The following PAFAH1B1 variants were observed in gnomAD, a reference collection of about 807,000 sequenced individuals.
PAFAH1B1 encodes platelet-activating factor acetylhydrolase IB subunit beta.
Under a neutral mutation model 57.5 loss-of-function variants are expected in PAFAH1B1, and 2 were observed. That is an observed-to-expected ratio of 0.03 (90% confidence interval 0.01 to 0.11). The LOEUF is 0.11. PAFAH1B1 is among the 10% of genes least tolerant of loss of function. The pLI, the probability that PAFAH1B1 is intolerant of heterozygous loss-of-function variation, is 1.00. For missense variants in PAFAH1B1, 257 were observed against 512.0 expected (o/e 0.50, Z 4.81); for synonymous variants, 152 against 169.6 (o/e 0.90, Z 0.81).
At chr17:2,647,594 A>G (rs1371739250) in intron 2 of PAFAH1B1, among the ~76,000 whole-genome samples, 2 of 152,200 alleles carry the variant, frequency 1.3e-5, no homozygotes, top group Admixed American at 1.3e-4. Context: ...GATTAAACAT[A>G]CTAAATAATA....
intron 1 of PAFAH1B1, among the ~76,000 whole-genome samples, chr17:2,603,044 T>G (rs560677555): frequency 6.6e-5 from 10 of 152,340 alleles, no homozygotes; most frequent in Admixed American, 3.3e-4. Context: ...CTCTAATATA[T>G]ATATGCTTTC....
At chr17:2,600,183 TGATCCACCC>T (rs1294567713) in intron 1 of PAFAH1B1, among the ~76,000 whole-genome samples, 9 of 151,930 alleles carry the variant, frequency 5.9e-5, no homozygotes, top group Non-Finnish European at 1.5e-5. Context: ...TGGCCTCAAG[TGATCCACCC>T]GAGTTGGCCT....
At chr17:2,631,683 A>G (rs1298719208) in intron 1 of PAFAH1B1, among the ~76,000 whole-genome samples, 2 of 152,246 alleles carry the variant, frequency 1.3e-5, no homozygotes, top group African/African-American at 4.8e-5. Flanking sequence ...TGGGACACTC[A>G]CAGTATTTGG....
chr17:2,664,665 G>GCTCGCTCTCTCTCTCTCT lies in PAFAH1B1; in HGVS notation c.33-704_33-703insGCTCTCTCTCTCTCTCTC, dbSNP rs1555526142. Among the ~76,000 whole-genome samples, 131 of 86,072 alleles carry GCTCGCTCTCTCTCTCTCT rather than the reference G, an allele frequency of 1.5e-3. 3 individuals carry two copies. The highest frequency in any genetic ancestry group is 6.8e-3 in the Middle Eastern group (1 of 148). The allele number at this position is 86,072 out of a possible 152,430, so 56.5% of individuals were successfully genotyped here. On this transcript the variant is annotated intron_variant, in intron 2 of 10. Coordinates refer to ENST00000397195, the MANE Select transcript of PAFAH1B1 (RefSeq NM_000430.4). ...TGATATATATCTATATCTATCTATC[G>GCTCGCTCTCTCTCTCTCT]CTCTCTCTCTCTCTCTCTCTCTCTC...
chr17:2,652,345 G>A (rs2068870583), intron 2 of PAFAH1B1, among the ~76,000 whole-genome samples: 1 of 152,202 alleles, frequency 6.6e-6, no homozygotes, highest in Admixed American at 6.5e-5. Flanking sequence ...AACCCGGGAG[G>A]CGGAGCTTGC....
chr17:2,617,668 A>T (rs1185897624), intron 1 of PAFAH1B1, among the ~76,000 whole-genome samples: 1 of 152,216 alleles, frequency 6.6e-6, no homozygotes, highest in Non-Finnish European at 1.5e-5. Context: ...CTGTAATCCC[A>T]GCACTTTGGG....
chr17:2,616,025 G>A (rs548309328), intron 1 of PAFAH1B1, among the ~76,000 whole-genome samples: 6 of 152,278 alleles, frequency 3.9e-5, no homozygotes, highest in Admixed American at 1.3e-4. Flanking sequence ...AGAAAGCAAC[G>A]ACGAAACAAG....
At chr17:2,628,579 G>T (rs1358227009) in intron 1 of PAFAH1B1, among the ~76,000 whole-genome samples, 2 of 151,998 alleles carry the variant, frequency 1.3e-5, no homozygotes, top group Non-Finnish European at 2.9e-5. Flanking sequence ...CCTGGTTTTG[G>T]TATTAGGGTG....
At chr17:2,637,059 C>T (rs1040818959) in intron 1 of PAFAH1B1, among the ~76,000 whole-genome samples, 1 of 152,110 alleles carries the variant, frequency 6.6e-6, no homozygotes, top group Non-Finnish European at 1.5e-5. Flanking sequence ...TTATTCATTA[C>T]TGTATTCTCA....
intron 1 of PAFAH1B1, among the ~76,000 whole-genome samples, chr17:2,603,449 C>T (rs925685019): frequency 1.3e-5 from 2 of 151,962 alleles, no homozygotes; most frequent in Non-Finnish European, 1.5e-5. Flanking sequence ...GGTGAAACCC[C>T]GTCTCTACTA....
intron 1 of PAFAH1B1, among the ~76,000 whole-genome samples, chr17:2,594,404 T>C (rs2068060652): frequency 6.6e-6 from 1 of 152,182 alleles, no homozygotes; most frequent in South Asian, 2.1e-4. Context: ...GGTAGCTCTC[T>C]GATCTTGGGG....
chr17:2,636,254 A>G (rs2068623618), intron 1 of PAFAH1B1, among the ~76,000 whole-genome samples: 1 of 152,190 alleles, frequency 6.6e-6, no homozygotes, highest in Non-Finnish European at 1.5e-5. Flanking sequence ...CTCAGAATTT[A>G]GATGGAGTGA....
chr17:2,638,345 A>T, intron 2 of PAFAH1B1, 25 bp downstream of exon 2: 1 of 1,596,388 alleles, frequency 6.3e-7, no homozygotes, highest in Non-Finnish European at 8.6e-7. Context: ...TTTGTGCTTT[A>T]AAAAAAATCT....
At chr17:2,653,904 G>A (rs370365213) in intron 2 of PAFAH1B1, among the ~76,000 whole-genome samples, 1 of 152,050 alleles carries the variant, frequency 6.6e-6, no homozygotes, top group East Asian at 1.9e-4. Context: ...CACCTCCTGG[G>A]TTCACGTGAT....
At chr17:2,674,033 A>G (rs769198163) in intron 7 of PAFAH1B1, 27 bp from the exon 8 acceptor site, 10 of 1,475,446 alleles carry the variant, frequency 6.8e-6, no homozygotes, top group Non-Finnish European at 9.5e-6. Flanking sequence ...TGTCATTCAC[A>G]GTGTAAGTTA....
chr17:2,622,014 C>T (rs1323773254), intron 1 of PAFAH1B1, among the ~76,000 whole-genome samples: 15 of 152,108 alleles, frequency 9.9e-5, no homozygotes, highest in Admixed American at 7.9e-4. Context: ...TAATCCCATC[C>T]GATCTCGTGA....
chr17:2,609,303 C>T (rs1237482102), intron 1 of PAFAH1B1, among the ~76,000 whole-genome samples: 2 of 152,122 alleles, frequency 1.3e-5, no homozygotes, highest in African/African-American at 2.4e-5. Context: ...AGCCACCGCG[C>T]CCGGCTCCCG....
chr17:2,599,082 A>G (rs1346720685), intron 1 of PAFAH1B1, among the ~76,000 whole-genome samples: 1 of 152,232 alleles, frequency 6.6e-6, no homozygotes, highest in Non-Finnish European at 1.5e-5. Context: ...TGTCAAGGAT[A>G]CTTCTGGAAT....
At chr17:2,658,967 G>A (rs1415332330) in intron 2 of PAFAH1B1, among the ~76,000 whole-genome samples, 4 of 152,058 alleles carry the variant, frequency 2.6e-5, no homozygotes, top group Non-Finnish European at 5.9e-5. Flanking sequence ...AGTTTAGGAA[G>A]TCTTGGCTGG....
Sources: allele counts gnomAD v4.1 joint callset (sites outside exome capture counted in the v4.1 genomes callset), GRCh38; gene constraint gnomAD v4.1.1; transcripts MANE v1.5; gene names NCBI Gene and HGNC (gene_info 2026-07-23, HGNC 2026-07-21).